Variants in ZNF208 observed in about 807,000 individuals in gnomAD.
ZNF208 encodes zinc finger protein 208, also known as zinc finger protein 95.
Under a neutral mutation model 12.1 loss-of-function variants are expected in ZNF208, and 10 were observed. The ratio of observed to expected loss-of-function variants is 0.83; its 90% confidence interval spans 0.51 to 1.40. The LOEUF is 1.40. ZNF208 is among the 40% of genes most tolerant of loss of function. ZNF208 has a pLI of 0.00. For missense variants in ZNF208, 1,652 were observed against 1,485.0 expected (o/e 1.11, Z -1.85); for synonymous variants, 497 against 488.4 (o/e 1.02, Z -0.23).
At position 21,971,586 on chromosome 19, in the gene ZNF208, A is replaced by G. The variant is rs750512628; in HGVS notation, c.3448T>C (p.Tyr1150His). 5.0e-6 allele frequency: 8 copies of G among 1,611,414 alleles called. No individual in the cohort carries two copies. Among genetic ancestry groups the G allele is most frequent in the African/African-American group, 1.3e-5 (1 of 74,766 alleles). The change falls in exon 4 of 4, where the codon TAT (tyrosine) becomes CAT (histidine). Residue 1150 changes from tyrosine (Y) to histidine (H), a missense_variant. Coordinates refer to ENST00000397126, the MANE Select transcript of ZNF208 (RefSeq NM_007153.3). Reference protein sequence around the residue: ...PYKCEECGKAYKWSSTLSYHK... With the variant: ...PYKCEECGKAHKWSSTLSYHK... ...TAACTAAGGGTTGAGGACCACTTAT[A>G]GGCTTTGCCACATTCTTCACATTTG...
At chr19:22,001,140 C>T (rs548494615) in intron 1 of ZNF208, among the ~76,000 whole-genome samples, 1 of 152,150 alleles carries the variant, frequency 6.6e-6, no homozygotes, top group Admixed American at 6.5e-5. Context: ...ACAAAATTAC[C>T]CAGGCATAGT....
chr19:21,984,664 T>C (rs1208877873), intron 3 of ZNF208, among the ~76,000 whole-genome samples: 6 of 152,248 alleles, frequency 3.9e-5, no homozygotes, highest in African/African-American at 1.4e-4. Flanking sequence ...ATGTTCATCC[T>C]ATTCAATGTA....
At position 21,974,521 on chromosome 19, in the gene ZNF208, T is replaced by C. The variant is rs1970389057; in HGVS notation, c.513A>G (p.Lys171=). 1 of 1,613,586 alleles carries C rather than the reference T, an allele frequency of 6.2e-7. No individual in the cohort carries two copies. The highest frequency in any genetic ancestry group is 1.7e-5 in the Admixed American group (1 of 59,942). ...TGACGTATTCTTTACATTGCAAATG[T>C]TTCTTTCCAGTATGCCTTATCTTAT... ...NRHKIRHTGK[K]HLQCKEYVRS... Residue 171 remains lysine (K), a synonymous_variant, in exon 4 of 4, where the codon AAA becomes AAG. Coordinates refer to ENST00000397126, the MANE Select transcript of ZNF208 (RefSeq NM_007153.3).
chr19:21,986,081 G>A (rs1270063081), intron 3 of ZNF208, among the ~76,000 whole-genome samples: 2 of 152,170 alleles, frequency 1.3e-5, no homozygotes, highest in Non-Finnish European at 2.9e-5. Context: ...ACTTTAAGAG[G>A]TGTTTACTCC....
intron 4 of ZNF208, chr19:21,939,827 A>G (rs528193472): frequency 6.6e-6 from 1 of 152,310 alleles, no homozygotes; most frequent in East Asian, 1.9e-4. Context: ...GGTGTTCAAG[A>G]TTTTTATTAA....
At chr19:21,944,918 C>T (rs1969793673) in intron 4 of ZNF208, among the ~76,000 whole-genome samples, 1 of 152,102 alleles carries the variant, frequency 6.6e-6, no homozygotes, top group Admixed American at 6.5e-5. Flanking sequence ...CACAATAAGC[C>T]CCAGCATTCG....
chr19:22,007,130 A>C (rs1022818885), intron 1 of ZNF208, among the ~76,000 whole-genome samples: 1 of 152,194 alleles, frequency 6.6e-6, no homozygotes, highest in Non-Finnish European at 1.5e-5. Flanking sequence ...TTAATTCTCT[A>C]TAGCCAAAAT....
In ZNF208 at chr19:21,972,636, T is replaced by C. The variant is rs201522966; in HGVS notation, c.2398A>G (p.Thr800Ala). 267 of 1,613,132 alleles carry C rather than the reference T, an allele frequency of 1.7e-4. 2 individuals are homozygous for C. Among genetic ancestry groups the C allele is most frequent in the African/African-American group, 6.4e-4 (48 of 74,818 alleles). Residue 800 changes from threonine (T) to alanine (A), a missense_variant, in exon 4 of 4, where the codon ACT becomes GCT. Physicochemically the swap from Thr to Ala is moderately conservative, Grantham distance 58 (BLOSUM62 0). Around this residue, in one of 3 missense-constraint regions of ZNF208, gnomAD observed 1,239 missense variants for 1,086.2 expected, o/e 1.14. Coordinates refer to ENST00000397126, the MANE Select transcript of ZNF208 (RefSeq NM_007153.3). ...TCACATTTGTAGGGTTTCTCATCAG[T>C]ATGAATTCTCTTATGTTTAATAAGG... ...AILIKHKRIH[T>A]DEKPYKCEEC... is the part of the protein sequence containing the mutation.
rs1377734222 is a variant in ZNF208 at position 21,967,423 on chromosome 19, C to T, written c.*3768G>A. The T allele has an allele frequency of 2.0e-5, 3 of 152,032 alleles. No individual in the cohort carries two copies. The highest frequency in any genetic ancestry group is 6.6e-5 in the Admixed American group (1 of 15,234). The allele number at this position is 152,032 out of a possible 1,614,324, so 9.4% of individuals were successfully genotyped here. A position where few individuals can be genotyped will look rare whatever the true frequency, so the allele number is the denominator to read the frequency against. On this transcript the variant is annotated 3_prime_UTR_variant, in exon 4 of 4. Coordinates refer to ENST00000397126, the MANE Select transcript of ZNF208 (RefSeq NM_007153.3). ...CTAGATGTTTATTTTTGTACCAGAA[C>T]CATGTTATACTGGTTATTCTGATGC...
chr19:21,943,721 G>T (rs1238839119), intron 4 of ZNF208, among the ~76,000 whole-genome samples: 1 of 152,106 alleles, frequency 6.6e-6, no homozygotes, highest in East Asian at 1.9e-4. Context: ...CTCAGCAATT[G>T]CCTGGGGGAC....
intron 4 of ZNF208, among the ~76,000 whole-genome samples, chr19:21,944,927 C>A (rs1028367839): frequency 1.3e-5 from 2 of 152,170 alleles, no homozygotes; most frequent in Admixed American, 6.5e-5. Context: ...CCCCAGCATT[C>A]GCATTGTATT....
intron 3 of ZNF208, chr19:21,986,868 A>G (rs559161115): frequency 5.0e-6 from 2 of 398,392 alleles, no homozygotes; most frequent in South Asian, 2.6e-4. Flanking sequence ...GAGAGAACTT[A>G]TAAGATAGTT....
chr19:22,008,468 T>C (rs1183258230), intron 1 of ZNF208, among the ~76,000 whole-genome samples: 1 of 152,034 alleles, frequency 6.6e-6, no homozygotes, highest in African/African-American at 2.4e-5. Context: ...GTAACCATTC[T>C]CTCAGGAGAC....
In ZNF208 at chr19:21,973,639, G is replaced by GGGC. The variant is rs1244482456; in HGVS notation, c.1394_1395insGCC (p.Phe465delinsLeuPro). On this transcript the variant is annotated protein_altering_variant, in exon 4 of 4. Coordinates refer to ENST00000397126, the MANE Select transcript of ZNF208 (RefSeq NM_007153.3). Reference sequence around the variant, plus strand: ...TTACCTTATGTTTAGTAAGGATTGAGAACATACTAAAGCCTTTGCCACATT... The same window carrying GGGC: ...TTACCTTATGTTTAGTAAGGATTGAGGGCAACATACTAAAGCCTTTGCCACATT... 1 of 1,610,428 alleles carries GGGC rather than the reference G, an allele frequency of 6.2e-7. No individual in the cohort carries two copies. The highest frequency in any genetic ancestry group is 8.5e-7 in the Non-Finnish European group (1 of 1,178,232).
At chr19:21,945,750 C>T (rs1969807067) in intron 4 of ZNF208, among the ~76,000 whole-genome samples, 1 of 152,068 alleles carries the variant, frequency 6.6e-6, no homozygotes, top group Admixed American at 6.6e-5. Context: ...TAAGGTAAAA[C>T]TAAAGCATGT....
intron 1 of ZNF208, among the ~76,000 whole-genome samples, chr19:21,999,912 G>C (rs1350545115): frequency 5.3e-5 from 8 of 151,970 alleles, no homozygotes; most frequent in East Asian, 1.9e-4. Flanking sequence ...TTTATATTTT[G>C]TCTTACAACA....
intron 3 of ZNF208, among the ~76,000 whole-genome samples, chr19:21,983,915 G>T (rs143559666): frequency 6.6e-6 from 1 of 151,984 alleles, no homozygotes; most frequent in East Asian, 1.9e-4. Flanking sequence ...CGAGTTGATG[G>T]GTGCAGCAAA....
At chr19:21,950,096 T>C (rs2145515546) in intron 4 of ZNF208, among the ~76,000 whole-genome samples, 1 of 152,362 alleles carries the variant, frequency 6.6e-6, no homozygotes, top group South Asian at 2.1e-4. Flanking sequence ...ATATTCTCTG[T>C]AAAGTTTTAA....
At chr19:21,983,761 G>A (rs1373708733) in intron 3 of ZNF208, among the ~76,000 whole-genome samples, 7 of 151,924 alleles carry the variant, frequency 4.6e-5, no homozygotes, top group Non-Finnish European at 8.8e-5. Flanking sequence ...AACAGAAAAC[G>A]AAACACAGCA....
Sources: gnomAD v4.1 joint callset for allele counts (sites outside exome capture counted in the v4.1 genomes callset) on GRCh38, gnomAD v4.1.1 for gene constraint, gnomAD v4.1.1 regional missense constraint, MANE v1.5 for transcripts, NCBI Gene and HGNC (gene_info 2026-07-23, HGNC 2026-07-21) for gene names.